The following TMEM161A variants were observed in gnomAD, a reference collection of about 807,000 sequenced individuals.
TMEM161A encodes the protein adaptive response to oxidative stress protein 29.
Under a neutral mutation model 57.1 loss-of-function variants are expected in TMEM161A, and 46 were observed. That is an observed-to-expected ratio of 0.81 (90% CI 0.64 to 1.03). TMEM161A has a LOEUF of 1.03. Ranked by LOEUF, TMEM161A falls within the 50% of genes least tolerant of loss-of-function variation. The probability of loss-of-function intolerance (pLI) is 0.00; values close to 1 mark genes in which losing one functional copy is unlikely to be tolerated. For missense variants in TMEM161A, 601 were observed against 621.5 expected, an observed-to-expected ratio of 0.97 and a Z score of 0.35; for synonymous variants, 288 against 279.0, an observed-to-expected ratio of 1.03 and a Z score of -0.32.
rs770319255 is a variant in TMEM161A, at chr19:19,121,771, C to A, written c.644G>T (p.Gly215Val). The A allele has an allele frequency of 6.2e-7, 1 of 1,613,926 alleles. No homozygotes were observed. Among genetic ancestry groups the A allele is most frequent in the African/African-American group, 1.3e-5 (1 of 74,898 alleles). Residue 215 changes from glycine (G) to valine (V), a missense_variant, in exon 7 of 12, where the codon GGC (glycine) becomes GTC (valine). By Grantham distance (109) the Gly-to-Val change is moderately radical. Transcript: ENST00000162044. The surrounding 1 kb of genome is among the most constrained non-coding windows in gnomAD (Gnocchi z 5.8). Reference protein sequence around the residue: ...QNLEPLLKKQGWDWALPVAKL... With the variant: ...QNLEPLLKKQVWDWALPVAKL... ...TCCCAGGACTCACGCCCAGTCCCAGCCCTGCTTCTTCAGAAGTGGCTCTAA... is the reference window on the plus strand; with the variant it reads ...TCCCAGGACTCACGCCCAGTCCCAGACCTGCTTCTTCAGAAGTGGCTCTAA...
Position 19,119,646 on chromosome 19 carries a change from G to T in TMEM161A, c.*284C>A. 2.1e-6 allele frequency: 1 copy of T among 476,234 alleles called. No individual in the cohort carries two copies. Among genetic ancestry groups the T allele is most frequent in the Non-Finnish European group, 3.8e-6 (1 of 260,108 alleles). The allele number at this position is 476,234 out of a possible 1,614,324, so 29.5% of individuals were successfully genotyped here. A position where few individuals can be genotyped will look rare whatever the true frequency, so the allele number is the denominator to read the frequency against. ...TAAAAATCGGCATGCTCCTTTATTTGTTCAGAAGAGCAGCCAGCATCACCC... is the reference window on the plus strand; with the variant it reads ...TAAAAATCGGCATGCTCCTTTATTTTTTCAGAAGAGCAGCCAGCATCACCC... On this transcript the variant is annotated 3_prime_UTR_variant, in exon 12 of 12. Coordinates refer to ENST00000162044, the MANE Select transcript of TMEM161A (RefSeq NM_017814.3).
At position 19,132,389 on chromosome 19, in the gene TMEM161A, CA is replaced by C; in HGVS notation, c.405del (p.Ile135MetfsTer10). 2 of 1,614,074 alleles carry C rather than the reference CA, an allele frequency of 1.2e-6. No individual in the cohort carries two copies. The highest frequency in any genetic ancestry group is 1.7e-6 in the Non-Finnish European group (2 of 1,179,956). ...YMLGPAKETN[I>X]AVFWCLLTVT... Reference sequence around the variant, plus strand: ...ACCGTGAGCAGGCACCAGAACACAGCAATGTTAGTCTCCTTGGCTGGTCCCA... The same window carrying C: ...ACCGTGAGCAGGCACCAGAACACAGCATGTTAGTCTCCTTGGCTGGTCCCA... On this transcript the variant is annotated frameshift_variant, in exon 5 of 12. Transcript: ENST00000162044. LOFTEE classifies it high-confidence loss of function. The surrounding 1 kb of genome is among the most constrained non-coding windows in gnomAD (Gnocchi z 4.3).
intron 1 of TMEM161A, among the ~76,000 whole-genome samples, chr19:19,137,996 G>A (rs1413108388): frequency 1.3e-5 from 2 of 152,094 alleles, no homozygotes; most frequent in African/African-American, 2.4e-5. Flanking sequence ...GATATAGCAG[G>A]GACCCCCGAT....
rs1389816027 is a variant in TMEM161A at position 19,121,404 on chromosome 19, C to G, written c.818G>C (p.Ser273Thr). The change falls in exon 9 of 12, where the codon AGC becomes ACC. Residue 273 changes from serine to threonine, a missense_variant. Transcript: ENST00000162044. This position sits in a 1 kb window ranked among gnomAD's most constrained non-coding sequence, Gnocchi z 5.8. ...CAGGATGAACAGGGGAGACAGGAAG[C>G]TGGTGTGCAGGAGGAACCTGGGGGG... ...RPMLQFLLHTSFLSPLFILWL... is the reference protein window; with the variant it reads ...RPMLQFLLHTTFLSPLFILWL... 6.2e-7 allele frequency: 1 copy of G among 1,613,416 alleles called. No individual in the cohort carries two copies. Among genetic ancestry groups the G allele is most frequent in the Admixed American group, 1.7e-5 (1 of 59,936 alleles).
At chr19:19,125,515 T>G (rs927298055) in intron 6 of TMEM161A, among the ~76,000 whole-genome samples, 1 of 122,886 alleles carries the variant, frequency 8.1e-6, no homozygotes, top group Non-Finnish European at 1.7e-5. Flanking sequence ...CTTGCCCAGC[T>G]TTTTTTTTTT....
chr19:19,128,377 G>T lies in TMEM161A; in HGVS notation c.595+1779C>A, dbSNP rs375171522. Among the ~76,000 whole-genome samples, 35 of 151,204 alleles carry T rather than the reference G, an allele frequency of 2.3e-4. No individual in the cohort carries two copies. In the East Asian group the frequency reaches 6.6e-3, roughly 29 times the overall value. ...CTCCCAAGTAGCTGGGACTATAGGC[G>T]TGTGCCATTAGCCTAGCTAATTTTT... On this transcript the variant is annotated intron_variant, in intron 6 of 11. Transcript: ENST00000162044.
At chr19:19,126,224 A>G (rs1413988322) in intron 6 of TMEM161A, among the ~76,000 whole-genome samples, 3 of 152,150 alleles carry the variant, frequency 2.0e-5, no homozygotes, top group Non-Finnish European at 4.4e-5. Context: ...GATATTTTTC[A>G]AGACAAATAT....
rs2059897888 is a variant in TMEM161A, at chr19:19,119,764, C to T, written c.*166G>A. 1.2e-6 allele frequency: 1 copy of T among 816,598 alleles called. No homozygotes were observed. The highest frequency in any genetic ancestry group is 1.8e-5 in the South Asian group (1 of 54,988). The allele number at this position is 816,598 out of a possible 1,614,324, so 50.6% of individuals were successfully genotyped here. Reference sequence around the variant, plus strand: ...AGGAGAGACAGTTCTGAGGCAGAAACTCGGCGTCCAAGGGGGGCCGCGGGT... The same window carrying T: ...AGGAGAGACAGTTCTGAGGCAGAAATTCGGCGTCCAAGGGGGGCCGCGGGT... On this transcript the variant is annotated 3_prime_UTR_variant, in exon 12 of 12. Transcript: ENST00000162044.
chr19:19,122,697 G>C (rs991364256), intron 6 of TMEM161A, among the ~76,000 whole-genome samples: 9 of 143,836 alleles, frequency 6.3e-5, no homozygotes, highest in Admixed American at 2.2e-4. Context: ...GATGGGTTGA[G>C]CCCAGGATGT....
Position 19,120,859 on chromosome 19 carries a change from C to A in TMEM161A, c.1092G>T (p.Val364=), listed in dbSNP as rs780272983. The A allele has an allele frequency of 6.2e-7, 1 of 1,613,344 alleles. No homozygotes were observed. The highest frequency in any genetic ancestry group is 1.1e-5 in the South Asian group (1 of 91,088). Residue 364 remains valine (V), a splice_region_variant and synonymous_variant, in exon 11 of 12, where the codon GTG becomes GTT. Transcript: ENST00000162044. Reference sequence around the variant, plus strand: ...CGGTCACATAGCAGTAGACTCGGACCACCTGTGGGCAGGTAGCAGGGGTGG... The same window carrying A: ...CGGTCACATAGCAGTAGACTCGGACAACCTGTGGGCAGGTAGCAGGGGTGG... ...RIEAREIQQR[V]VRVYCYVTVV...
intron 6 of TMEM161A, among the ~76,000 whole-genome samples, chr19:19,129,618 A>G (rs992441038): frequency 6.6e-6 from 1 of 152,142 alleles, no homozygotes; most frequent in Admixed American, 6.5e-5. Flanking sequence ...TAAAAAAATG[A>G]AAAAAGAGGC....
intron 11 of TMEM161A, 23 bp downstream of exon 11, chr19:19,120,742 A>C (rs2059905150): frequency 6.5e-7 from 1 of 1,535,120 alleles, no homozygotes; most frequent in Admixed American, 1.8e-5. Flanking sequence ...CCCCTCCTCC[A>C]CCCCCACACC....
At chr19:19,134,523 G>C (rs1420476398) in intron 2 of TMEM161A, among the ~76,000 whole-genome samples, 1 of 152,124 alleles carries the variant, frequency 6.6e-6, no homozygotes, top group Non-Finnish European at 1.5e-5. Context: ...GGTCACTTGA[G>C]CCCAGGAGGT....
intron 5 of TMEM161A, among the ~76,000 whole-genome samples, chr19:19,131,704 T>G (rs1374924231): frequency 1.3e-5 from 2 of 152,122 alleles, no homozygotes; most frequent in African/African-American, 4.8e-5. Flanking sequence ...TTTTGTACTT[T>G]TAGTAGAGAA....
At position 19,132,320 on chromosome 19, in the gene TMEM161A, C is replaced by T. The variant is rs375888508; in HGVS notation, c.443+32G>A. ...GAAGCTCAGGTCCTGCTCCCACCCG[C>T]CCCACTGGCAGGGAGCAGAGAGGAA... is the stretch of plus-strand genomic sequence containing the variant. On this transcript the variant is annotated intron_variant, in intron 5 of 11. Coordinates refer to ENST00000162044, the MANE Select transcript of TMEM161A (RefSeq NM_017814.3). The surrounding 1 kb of genome is among the most constrained non-coding windows in gnomAD (Gnocchi z 4.3). The T allele has an allele frequency of 3.1e-6, 5 of 1,593,588 alleles. No homozygotes were observed. The African/African-American group carries it at 6.7e-5, about 21-fold the overall frequency.
chr19:19,132,899 C>A lies in TMEM161A; in HGVS notation c.189-145G>T. ...GCACACTGGGATATGGGGATCCCCC[C>A]ACCCACCCACAGGACTGGCTAGAGC... On this transcript the variant is annotated intron_variant, in intron 3 of 11. Transcript: ENST00000162044. The surrounding 1 kb of genome is among the most constrained non-coding windows in gnomAD (Gnocchi z 4.3). 4.0e-6 allele frequency: 3 copies of A among 758,026 alleles called. No individual in the cohort carries two copies. Among genetic ancestry groups the A allele is most frequent in the Non-Finnish European group, 6.3e-6 (3 of 476,966 alleles). 47.0% of individuals were successfully genotyped at this position (758,026 alleles called of 1,614,324 possible). A position where few individuals can be genotyped will look rare whatever the true frequency, so the allele number is the denominator to read the frequency against.
chr19:19,134,727 G>C, intron 2 of TMEM161A, 57 bp downstream of exon 2: 1 of 1,309,134 alleles, frequency 7.6e-7, no homozygotes, highest in Admixed American at 2.1e-5. Flanking sequence ...CGGGGCGTGG[G>C]GAGCCAGAAG....
rs549748283 is a variant in TMEM161A at position 19,136,823 on chromosome 19, G to A, written c.3+1603C>T. 1.1e-4 allele frequency among the ~76,000 whole-genome samples: 16 copies of A among 152,048 alleles called. 1 individual carries two copies. The highest frequency in any genetic ancestry group is 8.3e-4 in the South Asian group (4 of 4,810). On this transcript the variant is annotated intron_variant, in intron 1 of 11. Coordinates refer to ENST00000162044, the MANE Select transcript of TMEM161A (RefSeq NM_017814.3). ...TAAGTCCTCATTGCTCGCCCTCCCC[G>A]GGACCCTAGTGCAGACTGGCTGGCT...
chr19:19,124,268 T>TGATA (rs553172618), intron 6 of TMEM161A, among the ~76,000 whole-genome samples: 40 of 152,236 alleles, frequency 2.6e-4, no homozygotes, highest in Non-Finnish European at 4.7e-4. Context: ...TTCTGCTGAC[T>TGATA]GATAAGTCAC....
Sources: allele counts gnomAD v4.1 joint callset (sites outside exome capture counted in the v4.1 genomes callset), GRCh38; gene constraint gnomAD v4.1.1; non-coding constraint Gnocchi (gnomAD v3.1); transcripts MANE v1.5; gene names NCBI Gene and HGNC (gene_info 2026-07-23, HGNC 2026-07-21).